CHKA: variants seen among roughly 807,000 people sequenced by gnomAD.
CHKA encodes CHETK-alpha.
CHKA carries 34 observed loss-of-function variants against 60.1 expected under a neutral mutation model. That is an observed-to-expected ratio of 0.57 (90% CI 0.43 to 0.75). The LOEUF is 0.75. CHKA is among the 30% of genes least tolerant of loss of function. The pLI is 0.00. For synonymous variants in CHKA, 217 were observed against 223.1 expected, an observed-to-expected ratio of 0.97 and a Z score of 0.24; for missense variants, 563 against 561.3, an observed-to-expected ratio of 1.00 and a Z score of -0.03.
At chr11:68,088,601 G>T (rs1857260008) in intron 2 of CHKA, among the ~76,000 whole-genome samples, 1 of 151,962 alleles carries the variant, frequency 6.6e-6, no homozygotes, top group African/African-American at 2.4e-5. Context: ...AATTGAAAGA[G>T]TTATGTGACT....
Position 68,053,694 on chromosome 11 carries a change from T to G in CHKA, c.*294A>C, listed in dbSNP as rs1218370986. The G allele has an allele frequency of 5.7e-6, 2 of 349,248 alleles. No homozygotes were observed. The highest frequency in any genetic ancestry group is 2.1e-5 in the African/African-American group (1 of 47,556). The allele number at this position is 349,248 out of a possible 1,614,324, so 21.6% of individuals were successfully genotyped here. ...TGTTTGCCTCATCTGACTGGAAACCTTAGCCCCCAAATATGAAATGCCTTC... is the reference window on the plus strand; with the variant it reads ...TGTTTGCCTCATCTGACTGGAAACCGTAGCCCCCAAATATGAAATGCCTTC... On this transcript the variant is annotated 3_prime_UTR_variant, in exon 12 of 12. Transcript: ENST00000265689.
At chr11:68,075,755 G>A (rs1856766352) in intron 3 of CHKA, among the ~76,000 whole-genome samples, 1 of 152,092 alleles carries the variant, frequency 6.6e-6, no homozygotes, top group South Asian at 2.1e-4. Context: ...GGGCAACATA[G>A]TGAGATGCCC....
chr11:68,054,420 G>T (rs1855925895), intron 11 of CHKA, among the ~76,000 whole-genome samples: 1 of 152,182 alleles, frequency 6.6e-6, no homozygotes, highest in East Asian at 1.9e-4. Flanking sequence ...TAGAGCAAAA[G>T]ACCCCTGGGA....
chr11:68,098,660 C>T (rs1857593763), intron 1 of CHKA, among the ~76,000 whole-genome samples: 1 of 151,988 alleles, frequency 6.6e-6, no homozygotes, highest in Admixed American at 6.6e-5. Flanking sequence ...ATTTTTAATG[C>T]TGCTTATTTT....
chr11:68,063,885 T>C (rs1856341507), intron 10 of CHKA, among the ~76,000 whole-genome samples: 1 of 152,224 alleles, frequency 6.6e-6, no homozygotes, highest in Admixed American at 6.5e-5. Flanking sequence ...GCTATGATTG[T>C]TAAGTTTCCT....
chr11:68,081,714 C>G (rs533047650), intron 2 of CHKA: 2 of 387,362 alleles, frequency 5.2e-6, no homozygotes, highest in Non-Finnish European at 9.6e-6. Flanking sequence ...CGTCTCACAG[C>G]CGCCCCATGT....
At chr11:68,055,279 A>G (rs924879893) in intron 11 of CHKA, among the ~76,000 whole-genome samples, 3 of 152,126 alleles carry the variant, frequency 2.0e-5, no homozygotes, top group Non-Finnish European at 4.4e-5. Context: ...AATCCCAGCT[A>G]CTCAAGAGGC....
chr11:68,074,493 T>C (rs1326992076), intron 4 of CHKA, among the ~76,000 whole-genome samples: 1 of 152,188 alleles, frequency 6.6e-6, no homozygotes, highest in Non-Finnish European at 1.5e-5. Flanking sequence ...ATGGTAAGTT[T>C]CATATATATT....
Position 68,097,105 on chromosome 11 carries a change from G to C in CHKA, c.376C>G (p.Gln126Glu). 1 of 1,613,644 alleles carries C rather than the reference G, an allele frequency of 6.2e-7. No homozygotes were observed. The highest frequency in any genetic ancestry group is 8.5e-7 in the Non-Finnish European group (1 of 1,179,778). Reference sequence around the variant, plus strand: ...GCTGTGGTGTCAGGTAGGGAGCACTGGAACAGCATGTTGCTAAGGCCGCCT... The same window carrying C: ...GCTGTGGTGTCAGGTAGGGAGCACTCGAACAGCATGTTGCTAAGGCCGCCT... Reference protein sequence around the residue: ...IRGGLSNMLFQCSLPDTTATL... With the variant: ...IRGGLSNMLFECSLPDTTATL... The change falls in exon 2 of 12, where the codon CAG becomes GAG. Residue 126 changes from glutamine (Q) to glutamate (E), a missense_variant. Coordinates refer to ENST00000265689, the MANE Select transcript of CHKA (RefSeq NM_001277.3).
At chr11:68,056,337 T>C (rs956107651) in intron 11 of CHKA, among the ~76,000 whole-genome samples, 29 of 152,196 alleles carry the variant, frequency 1.9e-4, no homozygotes, top group African/African-American at 5.8e-4. Context: ...TCCTTTCACC[T>C]GCCCAAAGCT....
intron 11 of CHKA, among the ~76,000 whole-genome samples, chr11:68,060,430 C>A (rs1306609366): frequency 6.6e-6 from 1 of 152,194 alleles, no homozygotes; most frequent in Admixed American, 6.5e-5. Flanking sequence ...CTGCCTCAGC[C>A]TCCCTAAGTA....
chr11:68,107,239 G>A (rs750337099), intron 1 of CHKA, among the ~76,000 whole-genome samples: 1 of 151,160 alleles, frequency 6.6e-6, no homozygotes, highest in African/African-American at 2.4e-5. Context: ...GTGACAGAGT[G>A]AGACTCTGTC....
intron 3 of CHKA, among the ~76,000 whole-genome samples, chr11:68,075,744 T>C (rs1856765628): frequency 6.6e-6 from 1 of 152,148 alleles, no homozygotes; most frequent in Non-Finnish European, 1.5e-5. Flanking sequence ...GAGACCAGCC[T>C]GGGCAACATA....
chr11:68,060,254 G>A (rs1344398278), intron 11 of CHKA, among the ~76,000 whole-genome samples: 1 of 151,546 alleles, frequency 6.6e-6, no homozygotes, highest in African/African-American at 2.4e-5. Flanking sequence ...GGATGGTCTC[G>A]ATCTCCTGAC....
chr11:68,099,133 T>C (rs1053102532), intron 1 of CHKA, among the ~76,000 whole-genome samples: 21 of 152,166 alleles, frequency 1.4e-4, no homozygotes, highest in Non-Finnish European at 1.9e-4. Flanking sequence ...CAAGGAAATC[T>C]ATAAAGTCCA....
At chr11:68,055,785 C>T (rs1445423465) in intron 11 of CHKA, among the ~76,000 whole-genome samples, 5 of 152,124 alleles carry the variant, frequency 3.3e-5, no homozygotes, top group Non-Finnish European at 7.4e-5. Flanking sequence ...TGGCTCATGC[C>T]TGTAATCCTA....
intron 1 of CHKA, among the ~76,000 whole-genome samples, chr11:68,120,543 G>A (rs1402976494): frequency 6.6e-6 from 1 of 152,260 alleles, no homozygotes; most frequent in Non-Finnish European, 1.5e-5. Flanking sequence ...TGATGGAACG[G>A]TATTGTTCTC....
intron 3 of CHKA, among the ~76,000 whole-genome samples, chr11:68,078,175 C>A (rs1856853886): frequency 6.6e-6 from 1 of 152,174 alleles, no homozygotes; most frequent in Non-Finnish European, 1.5e-5. Context: ...AACACTATCC[C>A]CACAGCAATA....
At chr11:68,090,559 T>G (rs1270580538) in intron 2 of CHKA, among the ~76,000 whole-genome samples, 1 of 152,188 alleles carries the variant, frequency 6.6e-6, no homozygotes, top group East Asian at 1.9e-4. Context: ...CATATTTTAT[T>G]GTGGCTTAAT....
Sources: allele counts gnomAD v4.1 joint callset (sites outside exome capture counted in the v4.1 genomes callset), GRCh38; gene constraint gnomAD v4.1.1; transcripts MANE v1.5; gene names NCBI Gene and HGNC (gene_info 2026-07-23, HGNC 2026-07-21).